The following IMP4 variants were observed in gnomAD, a reference collection of about 807,000 sequenced individuals.
The protein encoded by IMP4 is U3 small nucleolar ribonucleoprotein IMP4.
Under a neutral mutation model 42.7 loss-of-function variants are expected in IMP4, and 30 were observed. The observed-to-expected ratio is 0.70, with a 90% CI of 0.53 to 0.95. The LOEUF is 0.95. Ranked by LOEUF, IMP4 falls within the 40% of genes least tolerant of loss-of-function variation. The pLI, the probability that IMP4 is intolerant of heterozygous loss-of-function variation, is 0.00. For synonymous variants in IMP4, 165 were observed against 165.2 expected (o/e 1.00, Z 0.01); for missense variants, 382 against 411.4 (o/e 0.93, Z 0.62).
At chr2:130,344,066 C>T (rs1480598426) in intron 2 of IMP4, among the ~76,000 whole-genome samples, 3 of 152,242 alleles carry the variant, frequency 2.0e-5, no homozygotes, top group African/African-American at 7.2e-5. Context: ...CTGTGGCTCA[C>T]GCCTGTAATC....
At chr2:130,346,136 G>T in intron 7 of IMP4, 24 bp downstream of exon 7, 1 of 1,613,626 alleles carries the variant, frequency 6.2e-7, no homozygotes, top group Non-Finnish European at 8.5e-7. Context: ...CCATGCCCCA[G>T]GAAAGCATCC....
At chr2:130,343,045 C>G (rs781149016) in intron 1 of IMP4, 41 bp from the exon 2 acceptor site, 1 of 1,600,140 alleles carries the variant, frequency 6.2e-7, no homozygotes, top group Non-Finnish European at 8.5e-7. Context: ...TTCCGGGGCT[C>G]GGGAGCGAGT....
Position 130,343,114 on chromosome 2 carries a change from AG to A in IMP4, c.33del (p.Glu11AspfsTer31). On this transcript the variant is annotated frameshift_variant, in exon 2 of 9. Transcript: ENST00000259239. LOFTEE classifies it high-confidence loss of function. MLRREARLRR[E>X]YLYRKAREEA... is the part of the protein sequence containing the mutation. ...CGCCGCGAGGCCCGCCTGCGCCGCGAGTACCTGTACCGCAAGGCCCGGGAGG... is the reference window on the plus strand; with the variant it reads ...CGCCGCGAGGCCCGCCTGCGCCGCGATACCTGTACCGCAAGGCCCGGGAGG... 1 of 1,556,936 alleles carries A rather than the reference AG, an allele frequency of 6.4e-7. No homozygotes were observed. Among genetic ancestry groups the A allele is most frequent in the Non-Finnish European group, 8.7e-7 (1 of 1,148,672 alleles).
Position 130,346,519 on chromosome 2 carries a change from G to C in IMP4, c.*51G>C, listed in dbSNP as rs1219370421. The C allele has an allele frequency of 7.9e-7, 1 of 1,261,298 alleles. No individual in the cohort carries two copies. Among genetic ancestry groups the C allele is most frequent in the African/African-American group, 1.5e-5 (1 of 67,482 alleles). The allele number at this position is 1,261,298 out of a possible 1,614,324, so 78.1% of individuals were successfully genotyped here. On this transcript the variant is annotated 3_prime_UTR_variant, in exon 9 of 9. Transcript: ENST00000259239. ...TGGACTTGGAACTCAGGATGGGGCT[G>C]TCATAGACAGACCCACCAGTAGGAA...
rs1261393454 is a variant in IMP4 at position 130,345,062 on chromosome 2, T to TA, written c.197-313dup. On this transcript the variant is annotated intron_variant, in intron 3 of 8. Transcript: ENST00000259239. This position sits in a 1 kb window ranked among gnomAD's most constrained non-coding sequence, Gnocchi z 4.9. The stretch of plus-strand genomic sequence containing the variant: ...AATCCCAAACATTATAGATATTTGT[T>TA]ACGAGGGAAAAGAGTTTGTCACCGT... 1 of 550,386 alleles carries TA rather than the reference T, an allele frequency of 1.8e-6. No homozygotes were observed. Among genetic ancestry groups the TA allele is most frequent in the African/African-American group, 1.9e-5 (1 of 53,158 alleles). 34.1% of individuals were successfully genotyped at this position (550,386 alleles called of 1,614,324 possible).
Position 130,346,270 on chromosome 2 carries a change from G to C in IMP4, c.759G>C (p.Leu253=). The C allele has an allele frequency of 6.2e-7, 1 of 1,614,110 alleles. No individual in the cohort carries two copies. The highest frequency in any genetic ancestry group is 8.5e-7 in the Non-Finnish European group (1 of 1,179,972). ...ELTEVGPRFE[L]KLYMIRLGTL... is the part of the protein sequence containing the mutation. ...CTGAGGTCGGGCCCCGCTTTGAGCT[G>C]AAGCGTGAGTTTGAGGCTGAATCCC... The change falls in exon 8 of 9, where the codon CTG becomes CTC. Residue 253 remains leucine (L), a synonymous_variant. Transcript: ENST00000259239.
chr2:130,342,970 G>A (rs1164369472), intron 1 of IMP4, 35 bp downstream of exon 1: 5 of 1,614,140 alleles, frequency 3.1e-6, no homozygotes, highest in Non-Finnish European at 3.4e-6. Flanking sequence ...GAGGTCCGGG[G>A]CGCGTGAAGT....
In IMP4 at chr2:130,343,157, C is replaced by T. The variant is rs1480290800; in HGVS notation, c.75C>T (p.Ala25=). 1 of 1,551,280 alleles carries T rather than the reference C, an allele frequency of 6.4e-7. No homozygotes were observed. Among genetic ancestry groups the T allele is most frequent in the Non-Finnish European group, 8.7e-7 (1 of 1,146,758 alleles). ...CCCGGGAGGAGGCGCAGCGCTCAGC[C>T]CAGGAGAGGAAGGAGCGGCTGCGGC... ...RKAREEAQRS[A]QERKERLRRA... is the part of the protein sequence containing the mutation. Residue 25 remains alanine, a synonymous_variant, in exon 2 of 9, where the codon GCC becomes GCT. Transcript: ENST00000259239.
rs956220210 is a variant in IMP4 at position 130,344,618 on chromosome 2, T to G, written c.113-11T>G. 5 of 1,605,102 alleles carry G rather than the reference T, an allele frequency of 3.1e-6. No individual in the cohort carries two copies. The highest frequency in any genetic ancestry group is 4.3e-6 in the Non-Finnish European group (5 of 1,171,914). ...TGTGACTCACTCAGCCCCTCTCTCT[T>G]CCCTCTGCAGAAAACCGCCTGATTC... is the stretch of plus-strand genomic sequence containing the variant. On this transcript the variant is annotated splice_polypyrimidine_tract_variant and intron_variant, in intron 2 of 8. Coordinates refer to ENST00000259239, the MANE Select transcript of IMP4 (RefSeq NM_033416.3).
chr2:130,345,355 TG>T lies in IMP4; in HGVS notation c.197-20del. Reference sequence around the variant, plus strand: ...TTCATTCCCAAGACTGTCATGTTCTTGCCCCTCGTGCTCCTGACAGGTGTGA... The same window carrying T: ...TTCATTCCCAAGACTGTCATGTTCTTCCCCTCGTGCTCCTGACAGGTGTGA... On this transcript the variant is annotated intron_variant, in intron 3 of 8. Coordinates refer to ENST00000259239, the MANE Select transcript of IMP4 (RefSeq NM_033416.3). This position sits in a 1 kb window ranked among gnomAD's most constrained non-coding sequence, Gnocchi z 4.9. 6.3e-7 allele frequency: 1 copy of T among 1,584,476 alleles called. No individual in the cohort carries two copies. Among genetic ancestry groups the T allele is most frequent in the African/African-American group, 1.3e-5 (1 of 74,354 alleles).
chr2:130,343,422 C>T lies in IMP4; in HGVS notation c.112+228C>T, dbSNP rs188123387. ...CCCGCTGTGTGCAGTGTGTCAAGTT[C>T]GTCCCAAGTTTTAAAGACTTTATCT... is the stretch of plus-strand genomic sequence containing the variant. On this transcript the variant is annotated intron_variant, in intron 2 of 8. Transcript: ENST00000259239. 1.7e-5 allele frequency: 12 copies of T among 706,776 alleles called. No individual in the cohort carries two copies. In the Admixed American group the frequency reaches 1.8e-4, roughly 11 times the overall value. The allele number at this position is 706,776 out of a possible 1,614,324, so 43.8% of individuals were successfully genotyped here.
At position 130,344,715 on chromosome 2, in the gene IMP4, A is replaced by G. The variant is rs1202036847; in HGVS notation, c.196+3A>G. The stretch of plus-strand genomic sequence containing the variant: ...GTTTGATGATGCTGGAGGTGAAGGT[A>G]ACTATACAAGGTAGCCCTCCCCAAC... On this transcript the variant is annotated splice_donor_region_variant and intron_variant, in intron 3 of 8. Coordinates refer to ENST00000259239, the MANE Select transcript of IMP4 (RefSeq NM_033416.3). 1 of 1,606,358 alleles carries G rather than the reference A, an allele frequency of 6.2e-7. No homozygotes were observed.
At chr2:130,343,363 C>A in intron 2 of IMP4, 169 bp downstream of exon 2, 1 of 721,438 alleles carries the variant, frequency 1.4e-6, no homozygotes, top group Non-Finnish European at 2.6e-6. Context: ...AATTACTTGT[C>A]ACTGACGTTG....
At chr2:130,343,370 G>A (rs752587772) in intron 2 of IMP4, 176 bp downstream of exon 2, 11 of 719,396 alleles carry the variant, frequency 1.5e-5, no homozygotes, top group South Asian at 9.0e-5. Flanking sequence ...TGTCACTGAC[G>A]TTGCAGTACC....
rs1163781544 is a variant in IMP4, at chr2:130,345,672, G to C, written c.412G>C (p.Val138Leu). 6.2e-7 allele frequency: 1 copy of C among 1,614,078 alleles called. No individual in the cohort carries two copies. The highest frequency in any genetic ancestry group is 2.2e-5 in the East Asian group (1 of 44,880). Residue 138 changes from valine to leucine, a missense_variant, in exon 5 of 9, where the codon GTC (valine) becomes CTC (leucine). Physicochemically the swap from Val to Leu is conservative, Grantham distance 32. Coordinates refer to ENST00000259239, the MANE Select transcript of IMP4 (RefSeq NM_033416.3). The surrounding 1 kb of genome is among the most constrained non-coding windows in gnomAD (Gnocchi z 4.9). ...AGCCAACGGCGTCACCGATCTGCTG[G>C]TCGTTCACGAGCATCGGGGCACACC... ...CKANGVTDLL[V>L]VHEHRGTPVG... is the part of the protein sequence containing the mutation.
In IMP4 at chr2:130,346,230, G is replaced by A. The variant is rs113604002; in HGVS notation, c.719G>A (p.Arg240His). ...CATGTGTATAAGAAGACAGACCACC[G>A]CAACGTGGAGCTCACTGAGGTCGGG... is the stretch of plus-strand genomic sequence containing the variant. ...RHHVYKKTDH[R>H]NVELTEVGPR... Residue 240 changes from arginine to histidine, a missense_variant, in exon 8 of 9, where the codon CGC (arginine) becomes CAC (histidine). Physicochemically the swap from Arg to His is conservative, Grantham distance 29. Coordinates refer to ENST00000259239, the MANE Select transcript of IMP4 (RefSeq NM_033416.3). The A allele has an allele frequency of 5.1e-5, 82 of 1,614,126 alleles. No homozygotes were observed. In the East Asian group the frequency reaches 6.9e-4, roughly 14 times the overall value.
At position 130,345,528 on chromosome 2, in the gene IMP4, C is replaced by G. The variant is rs769420384; in HGVS notation, c.307-39C>G. 5 of 1,614,074 alleles carry G rather than the reference C, an allele frequency of 3.1e-6. No homozygotes were observed. The South Asian group carries it at 5.5e-5, about 18-fold the overall frequency. On this transcript the variant is annotated intron_variant, in intron 4 of 8. Coordinates refer to ENST00000259239, the MANE Select transcript of IMP4 (RefSeq NM_033416.3). This position sits in a 1 kb window ranked among gnomAD's most constrained non-coding sequence, Gnocchi z 4.9. The stretch of plus-strand genomic sequence containing the variant: ...GTGAGGGAGAGACACCCAGGACACA[C>G]AGCCCCAGTCCTGACTGTACACTGC...
At position 130,347,466 on chromosome 2, in the gene IMP4, T is replaced by A. The variant is rs1238197682; in HGVS notation, c.*998T>A. The A allele has an allele frequency of 6.6e-6, 1 of 152,192 alleles. No homozygotes were observed. The highest frequency in any genetic ancestry group is 2.4e-5 in the African/African-American group (1 of 41,436). 9.4% of individuals were successfully genotyped at this position (152,192 alleles called of 1,614,324 possible). On this transcript the variant is annotated 3_prime_UTR_variant, in exon 9 of 9. Transcript: ENST00000259239. The stretch of plus-strand genomic sequence containing the variant: ...AGCATTTTTGCATACACCGGGTCAT[T>A]TGTTCTTTGTTGTTGACTTGAGTCC...
intron 2 of IMP4, 86 bp downstream of exon 2, chr2:130,343,280 C>T: frequency 1.0e-6 from 1 of 999,040 alleles, no homozygotes; most frequent in Non-Finnish European, 1.6e-6. Flanking sequence ...TTTCCAAATG[C>T]TTGCCGGCCG....
Sources: gnomAD v4.1 joint callset for allele counts (sites outside exome capture counted in the v4.1 genomes callset) on GRCh38, gnomAD v4.1.1 for gene constraint, Gnocchi (gnomAD v3.1) non-coding constraint, MANE v1.5 for transcripts, NCBI Gene and HGNC (gene_info 2026-07-23, HGNC 2026-07-21) for gene names.